MPP4: variants seen among roughly 807,000 people sequenced by gnomAD.
MPP4 encodes MAGUK p55 subfamily member 4.
Under a neutral mutation model 98.3 loss-of-function variants are expected in MPP4, and 91 were observed. The observed-to-expected ratio is 0.93, with a 90% CI of 0.78 to 1.10. The LOEUF (loss-of-function observed/expected upper bound fraction) is 1.10. Among genes scored for constraint, MPP4 ranks in the 50% least tolerant of loss-of-function variants. The probability of loss-of-function intolerance (pLI) is 0.00; values close to 1 mark genes in which losing one functional copy is unlikely to be tolerated. For synonymous variants in MPP4, 261 were observed against 271.8 expected, an observed-to-expected ratio of 0.96 and a Z score of 0.39; for missense variants, 744 against 792.9, an observed-to-expected ratio of 0.94 and a Z score of 0.74.
At position 201,675,188 on chromosome 2, in the gene MPP4, G is replaced by T; in HGVS notation, c.994+19C>A. ...TTATTGCAAACAGGAAGAACCTGTCGGGCAGTTGCAATACTCACATAGGGT... is the reference window on the plus strand; with the variant it reads ...TTATTGCAAACAGGAAGAACCTGTCTGGCAGTTGCAATACTCACATAGGGT... On this transcript the variant is annotated intron_variant, in intron 11 of 21. Coordinates refer to ENST00000409474, the MANE Select transcript of MPP4 (RefSeq NM_033066.3). The T allele has an allele frequency of 6.3e-7, 1 of 1,598,148 alleles. No homozygotes were observed. The highest frequency in any genetic ancestry group is 8.5e-7 in the Non-Finnish European group (1 of 1,172,316).
intron 18 of MPP4, among the ~76,000 whole-genome samples, chr2:201,653,463 A>G (rs1687774761): frequency 6.6e-6 from 1 of 152,160 alleles, no homozygotes; most frequent in Non-Finnish European, 1.5e-5. Context: ...AAAAAGCCCC[A>G]TGAATCTCCC....
At chr2:201,686,098 A>G in intron 5 of MPP4, 48 bp from the exon 6 acceptor site, 1 of 1,597,678 alleles carries the variant, frequency 6.3e-7, no homozygotes. Context: ...CATGGGCCAA[A>G]CCCCTCTAGA....
rs897011007 is a variant in MPP4, at chr2:201,669,659, T to C, written c.1012+74A>G. 8 of 1,083,966 alleles carry C rather than the reference T, an allele frequency of 7.4e-6. No individual in the cohort carries two copies. In the Admixed American group the frequency reaches 2.7e-4, roughly 37 times the overall value. The allele number at this position is 1,083,966 out of a possible 1,614,324, so 67.1% of individuals were successfully genotyped here. On this transcript the variant is annotated intron_variant, in intron 12 of 21. Transcript: ENST00000409474. Reference sequence around the variant, plus strand: ...AATAAATAGCTGAACTGAATTAAAGTGAATTCTTTAAACTACAAGAAATTT... The same window carrying C: ...AATAAATAGCTGAACTGAATTAAAGCGAATTCTTTAAACTACAAGAAATTT...
At chr2:201,677,206 C>T (rs529157018) in intron 10 of MPP4, among the ~76,000 whole-genome samples, 2 of 152,248 alleles carry the variant, frequency 1.3e-5, no homozygotes, top group East Asian at 3.9e-4. Context: ...TCACCCTGGC[C>T]TTTCTCCTCT....
intron 16 of MPP4, among the ~76,000 whole-genome samples, chr2:201,657,394 G>T (rs1170796708): frequency 6.6e-6 from 1 of 152,096 alleles, no homozygotes; most frequent in African/African-American, 2.4e-5. Context: ...GGTGCTCTCA[G>T]TAGACAGAGT....
Position 201,656,207 on chromosome 2 carries a change from C to A in MPP4, c.1291G>T (p.Val431Leu). 2 of 1,603,946 alleles carry A rather than the reference C, an allele frequency of 1.2e-6. No homozygotes were observed. The highest frequency in any genetic ancestry group is 1.1e-5 in the South Asian group (1 of 88,402). ...GCATGCTGGGACATACCCATGAGCA[C>A]TATGAGGCGGTACTTGTCTGAAGGG... The part of the protein sequence containing the change: ...RRPSDKYRLI[V>L]LMGPSGVGVN... Residue 431 changes from valine (V) to leucine (L), a missense_variant, in exon 17 of 22, where the codon GTG becomes TTG. Transcript: ENST00000409474.
At chr2:201,675,474 G>T (rs1467384666) in intron 10 of MPP4, among the ~76,000 whole-genome samples, 1 of 152,178 alleles carries the variant, frequency 6.6e-6, no homozygotes, top group Non-Finnish European at 1.5e-5. Context: ...GTCTTCTTCT[G>T]CCTCACGGGA....
intron 2 of MPP4, 136 bp from the exon 3 acceptor site, chr2:201,693,165 T>A (rs1315892200): frequency 4.0e-6 from 4 of 1,003,958 alleles, no homozygotes; most frequent in Non-Finnish European, 5.7e-6. Flanking sequence ...AAGATCTGAC[T>A]TCAAGCCCTG....
chr2:201,669,644 T>C, intron 12 of MPP4, 89 bp downstream of exon 12: 1 of 867,296 alleles, frequency 1.2e-6, no homozygotes, highest in South Asian at 3.8e-5. Flanking sequence ...AATAAATAGC[T>C]GAACTGAATT....
At position 201,645,325 on chromosome 2, in the gene MPP4, A is replaced by G; in HGVS notation, c.1799T>C (p.Val600Ala). Residue 600 changes from valine to alanine, a missense_variant, in exon 22 of 22, where the codon GTG becomes GCG. Transcript: ENST00000409474. ...QFGQFFDHVI[V>A]NDSLHDACAQ... ...ACATGCATCGTGCAAGCTGTCATTCACAATCACATGATCAAAAAATTGGCC... is the reference window on the plus strand; with the variant it reads ...ACATGCATCGTGCAAGCTGTCATTCGCAATCACATGATCAAAAAATTGGCC... 2 of 1,614,030 alleles carry G rather than the reference A, an allele frequency of 1.2e-6. No homozygotes were observed. Among genetic ancestry groups the G allele is most frequent in the African/African-American group, 1.3e-5 (1 of 75,066 alleles).
Position 201,656,385 on chromosome 2 carries a change from C to T in MPP4, c.1130-17G>A. 1.3e-6 allele frequency: 2 copies of T among 1,543,216 alleles called. No homozygotes were observed. The highest frequency in any genetic ancestry group is 1.8e-6 in the Non-Finnish European group (2 of 1,142,122). On this transcript the variant is annotated splice_polypyrimidine_tract_variant and intron_variant, in intron 16 of 21. Coordinates refer to ENST00000409474, the MANE Select transcript of MPP4 (RefSeq NM_033066.3). ...GGAAGCCAGCTAGGGAGGGGAAGTG[C>T]ACAGAACGTAAGAACCAGGCAGGAG...
chr2:201,654,963 T>C (rs186070770), intron 17 of MPP4, 46 bp from the exon 18 acceptor site: 8 of 1,239,796 alleles, frequency 6.5e-6, no homozygotes, highest in Admixed American at 4.6e-5. Flanking sequence ...TGTGGATAAA[T>C]ATAATTATGT....
intron 12 of MPP4, among the ~76,000 whole-genome samples, chr2:201,666,987 T>C (rs1182939190): frequency 6.6e-6 from 1 of 152,140 alleles, no homozygotes; most frequent in Non-Finnish European, 1.5e-5. Context: ...ACAAATTAGT[T>C]GACCTCTAAG....
At chr2:201,645,471 G>A in intron 21 of MPP4, 67 bp from the exon 22 acceptor site, 4 of 1,328,988 alleles carry the variant, frequency 3.0e-6, no homozygotes, top group Non-Finnish European at 4.1e-6. Flanking sequence ...AATACAGTTT[G>A]TTATGCTGTC....
intron 7 of MPP4, among the ~76,000 whole-genome samples, chr2:201,683,697 A>T (rs1387719841): frequency 6.6e-6 from 1 of 151,140 alleles, no homozygotes; most frequent in African/African-American, 2.4e-5. Context: ...GGTTGCAATG[A>T]GCTGTGATTG....
chr2:201,664,261 G>A, intron 13 of MPP4, 160 bp from the exon 14 acceptor site: 1 of 1,484,862 alleles, frequency 6.7e-7, no homozygotes, highest in South Asian at 1.2e-5. Context: ...GTGTCTCTAT[G>A]GCATATATCA....
At chr2:201,685,863 G>C (rs1688813937) in intron 6 of MPP4, 56 bp downstream of exon 6, 2 of 1,585,816 alleles carry the variant, frequency 1.3e-6, no homozygotes, top group Non-Finnish European at 1.7e-6. Context: ...ATATAATTTG[G>C]TTCACAATTA....
intron 11 of MPP4, 158 bp downstream of exon 11, chr2:201,675,049 A>C: frequency 2.3e-6 from 2 of 866,400 alleles, no homozygotes; most frequent in Non-Finnish European, 3.7e-6. Context: ...CCTTTGAAAA[A>C]CCCCTAATCT....
chr2:201,661,246 T>C (rs1352905053), intron 14 of MPP4, among the ~76,000 whole-genome samples: 1 of 151,282 alleles, frequency 6.6e-6, no homozygotes, highest in Non-Finnish European at 1.5e-5. Context: ...ATGACGCTTC[T>C]GATTAAATAA....
Sources: allele counts gnomAD v4.1 joint callset (sites outside exome capture counted in the v4.1 genomes callset), GRCh38; gene constraint gnomAD v4.1.1; transcripts MANE v1.5; gene names NCBI Gene and HGNC (gene_info 2026-07-23, HGNC 2026-07-21).